The following NTNG1 variants were observed in gnomAD, a reference collection of about 807,000 sequenced individuals.
NTNG1 encodes the protein netrin G1.
Under a neutral mutation model 54.0 loss-of-function variants are expected in NTNG1, and 16 were observed. The observed-to-expected ratio is 0.30, with a 90% CI of 0.20 to 0.45. The LOEUF is 0.45. Among genes scored for constraint, NTNG1 ranks in the 20% least tolerant of loss-of-function variants. The probability of loss-of-function intolerance (pLI) is 1.00; values close to 1 mark genes in which losing one functional copy is unlikely to be tolerated. For synonymous variants in NTNG1, 255 were observed against 263.1 expected (o/e 0.97, Z 0.30); for missense variants, 530 against 678.7 (o/e 0.78, Z 2.43).
chr1:107,195,905 T>G (rs1658282744), intron 2 of NTNG1, among the ~76,000 whole-genome samples: 1 of 152,008 alleles, frequency 6.6e-6, no homozygotes, highest in Non-Finnish European at 1.5e-5. Flanking sequence ...ACACCTCATG[T>G]GCTCCTTTGC....
At chr1:107,328,911 A>T (rs1003049751) in intron 3 of NTNG1, 1 of 152,158 alleles carries the variant, frequency 6.6e-6, no homozygotes, top group South Asian at 2.1e-4. Flanking sequence ...AGACAATGGA[A>T]ATTCTATTTT....
rs564494254 is a variant in NTNG1, at chr1:107,271,510, A to G, written c.247-52772A>G. On this transcript the variant is annotated intron_variant, in intron 2 of 7. Coordinates refer to ENST00000370068, the MANE Select transcript of NTNG1 (RefSeq NM_001113226.3). ...ATTTAAAACAAAACAACAAAAACAC[A>G]TTAATAACTAGCAGACATCAAAGAT... Among the ~76,000 whole-genome samples, 26 of 152,340 alleles carry G rather than the reference A, an allele frequency of 1.7e-4. No individual in the cohort carries two copies. The South Asian group carries it at 3.5e-3, about 21-fold the overall frequency.
At chr1:107,262,254 G>A (rs1251058032) in intron 2 of NTNG1, among the ~76,000 whole-genome samples, 1 of 152,180 alleles carries the variant, frequency 6.6e-6, no homozygotes, top group African/African-American at 2.4e-5. Flanking sequence ...TAGAAAGACA[G>A]GGACACATGA....
intron 3 of NTNG1, among the ~76,000 whole-genome samples, chr1:107,388,939 G>A (rs375703402): frequency 2.0e-5 from 3 of 150,144 alleles, no homozygotes; most frequent in Non-Finnish European, 4.5e-5. Context: ...GTGCTAACAC[G>A]TTCTCTAAAA....
chr1:107,224,066 T>A (rs1660522244), intron 2 of NTNG1, among the ~76,000 whole-genome samples: 2 of 152,334 alleles, frequency 1.3e-5, no homozygotes, highest in Middle Eastern at 3.4e-3. Context: ...ACCAGTTAAC[T>A]TCTTCTCATT....
At chr1:107,147,534 C>T (rs759629560) in intron 1 of NTNG1, among the ~76,000 whole-genome samples, 2 of 151,828 alleles carry the variant, frequency 1.3e-5, no homozygotes, top group Non-Finnish European at 2.9e-5. Context: ...TAAATTCTTC[C>T]AATGTAATGA....
rs1277380656 is a variant in NTNG1 at position 107,258,675 on chromosome 1, G to T, written c.247-65607G>T. On this transcript the variant is annotated intron_variant, in intron 2 of 7. Transcript: ENST00000370068. ...TAACTCACTTGAGTTCATAAACAAGGAAGTGGCAGAGCAGGATTTGAACTC... is the reference window on the plus strand; with the variant it reads ...TAACTCACTTGAGTTCATAAACAAGTAAGTGGCAGAGCAGGATTTGAACTC... 4.6e-5 allele frequency among the ~76,000 whole-genome samples: 7 copies of T among 152,168 alleles called. No homozygotes were observed. The East Asian group carries it at 1.3e-3, about 29-fold the overall frequency.
At chr1:107,161,538 GTAATTCCAGCCA>G (rs1188452502) in intron 2 of NTNG1, among the ~76,000 whole-genome samples, 1 of 151,900 alleles carries the variant, frequency 6.6e-6, no homozygotes, top group Non-Finnish European at 1.5e-5. Context: ...GTGTGCACCT[GTAATTCCAGCCA>G]CTTGGGAGGC....
chr1:107,411,232 G>A (rs148062713), intron 5 of NTNG1, among the ~76,000 whole-genome samples: 2 of 152,210 alleles, frequency 1.3e-5, no homozygotes, highest in East Asian at 3.9e-4. Flanking sequence ...TTCACTTAAG[G>A]GAAATAGCTA....
chr1:107,198,089 G>A (rs918222321), intron 2 of NTNG1, among the ~76,000 whole-genome samples: 2 of 151,868 alleles, frequency 1.3e-5, no homozygotes, highest in African/African-American at 4.8e-5. Flanking sequence ...AATTTAAAAT[G>A]TTCTTGCTTC....
intron 2 of NTNG1, among the ~76,000 whole-genome samples, chr1:107,265,827 A>T (rs748199993): frequency 6.6e-6 from 1 of 152,218 alleles, no homozygotes; most frequent in Non-Finnish European, 1.5e-5. Context: ...CATAGCAAAG[A>T]TGGGAGTACT....
intron 3 of NTNG1, among the ~76,000 whole-genome samples, chr1:107,375,274 G>A (rs565988811): frequency 3.3e-5 from 5 of 152,164 alleles, no homozygotes; most frequent in Admixed American, 1.3e-4. Context: ...CTCAGCCTGC[G>A]TTCCTCCTTT....
At chr1:107,186,922 A>T (rs1296322255) in intron 2 of NTNG1, among the ~76,000 whole-genome samples, 4 of 152,116 alleles carry the variant, frequency 2.6e-5, no homozygotes, top group African/African-American at 9.7e-5. Context: ...TATTATCCTT[A>T]TTTTACAGAT....
chr1:107,323,909 C>A (rs1667796636), intron 2 of NTNG1, among the ~76,000 whole-genome samples: 3 of 152,000 alleles, frequency 2.0e-5, no homozygotes, highest in Non-Finnish European at 4.4e-5. Context: ...TAAAGAATGT[C>A]CTTCAGGCAG....
intron 3 of NTNG1, among the ~76,000 whole-genome samples, chr1:107,345,457 G>C (rs79864973): frequency 1.3e-5 from 2 of 152,124 alleles, no homozygotes; most frequent in Non-Finnish European, 2.9e-5. Context: ...GGTGTGAGCC[G>C]CTGTGGCACA....
chr1:107,397,426 A>G (rs1281012048), intron 4 of NTNG1, among the ~76,000 whole-genome samples: 1 of 152,156 alleles, frequency 6.6e-6, no homozygotes, highest in Admixed American at 6.5e-5. Flanking sequence ...GGAAGTAAGC[A>G]GTTTAGTAGT....
At chr1:107,186,747 C>T (rs1014226296) in intron 2 of NTNG1, among the ~76,000 whole-genome samples, 5 of 152,052 alleles carry the variant, frequency 3.3e-5, no homozygotes, top group African/African-American at 1.2e-4. Flanking sequence ...ATTTTGCACA[C>T]TCTAAGTTTC....
At chr1:107,367,762 T>G (rs924970451) in intron 3 of NTNG1, among the ~76,000 whole-genome samples, 1 of 152,098 alleles carries the variant, frequency 6.6e-6, no homozygotes, top group African/African-American at 2.4e-5. Flanking sequence ...TTTTTGTTTT[T>G]TGGGGGTATT....
At chr1:107,320,613 G>C (rs903468392) in intron 2 of NTNG1, among the ~76,000 whole-genome samples, 2 of 149,984 alleles carry the variant, frequency 1.3e-5, no homozygotes, top group Non-Finnish European at 3.0e-5. Flanking sequence ...CTCTCCTCCA[G>C]CTTTTTCTTT....
Sources: gnomAD v4.1 joint callset for allele counts (sites outside exome capture counted in the v4.1 genomes callset) on GRCh38, gnomAD v4.1.1 for gene constraint, MANE v1.5 for transcripts, NCBI Gene and HGNC (gene_info 2026-07-23, HGNC 2026-07-21) for gene names.